DLGAP2: variants seen among roughly 807,000 people sequenced by gnomAD.
The protein encoded by DLGAP2 is DLG associated protein 2, also known as disks large-associated protein 2.
Under a neutral mutation model 100.3 loss-of-function variants are expected in DLGAP2, and 26 were observed. The ratio of observed to expected loss-of-function variants is 0.26; its 90% CI spans 0.19 to 0.36. The LOEUF is 0.36. Among genes scored for constraint, DLGAP2 ranks in the 10% least tolerant of loss-of-function variants. The pLI is 1.00. For synonymous variants in DLGAP2, 886 were observed against 630.1 expected (o/e 1.41, Z -6.08); for missense variants, 1,858 against 1,453.2 (o/e 1.28, Z -4.53).
In DLGAP2 at chr8:1,549,604, G is replaced by T. The variant is rs370050230; in HGVS notation, c.1151G>T (p.Arg384Leu). The T allele has an allele frequency of 5.0e-6, 8 of 1,597,308 alleles. No homozygotes were observed. The highest frequency in any genetic ancestry group is 2.2e-5 in the South Asian group (2 of 89,514). ...GTCAGCCAGGCCAAGGAGGCCTACCGCAAGAGCTCGCTGAACCTGGACAAG... is the reference window on the plus strand; with the variant it reads ...GTCAGCCAGGCCAAGGAGGCCTACCTCAAGAGCTCGCTGAACCTGGACAAG... ...LTVSQAKEAY[R>L]KSSLNLDKPL... Residue 384 changes from arginine (R) to leucine (L), a missense_variant, in exon 5 of 15, where the codon CGC becomes CTC. Arg to Leu is a moderately radical substitution (Grantham distance 102). Transcript: ENST00000637795.
rs184256893 is a variant in DLGAP2 at position 901,411 on chromosome 8, A to G, written c.19-6501A>G. ...AGTTAACAGGTGAATCTCTTTATTGATAAAAAGTAAAGTGTTTATCTGCTA... is the reference window on the plus strand; with the variant it reads ...AGTTAACAGGTGAATCTCTTTATTGGTAAAAAGTAAAGTGTTTATCTGCTA... On this transcript the variant is annotated intron_variant, in intron 1 of 14. Transcript: ENST00000637795. 8.5e-5 allele frequency among the ~76,000 whole-genome samples: 13 copies of G among 152,364 alleles called. No homozygotes were observed. The East Asian group carries it at 2.3e-3, about 27-fold the overall frequency.
chr8:1,168,510 T>A (rs766107154), intron 2 of DLGAP2, among the ~76,000 whole-genome samples: 1 of 147,662 alleles, frequency 6.8e-6, no homozygotes, highest in Non-Finnish European at 1.5e-5. Flanking sequence ...GTGTAAAAGT[T>A]TTCCTATTTC....
rs1254591074 is a variant in DLGAP2, at chr8:798,843, G to A, written c.18+61018G>A. Among the ~76,000 whole-genome samples, 9 of 150,390 alleles carry A rather than the reference G, an allele frequency of 6.0e-5. No individual in the cohort carries two copies. In the East Asian group the frequency reaches 1.4e-3, roughly 23 times the overall value. Reference sequence around the variant, plus strand: ...GCTTCCGTTGGCGCTGAAAGCAAACGCTTGTTGAGTCAGGACCTGCAGCCC... The same window carrying A: ...GCTTCCGTTGGCGCTGAAAGCAAACACTTGTTGAGTCAGGACCTGCAGCCC... On this transcript the variant is annotated intron_variant, in intron 1 of 14. Transcript: ENST00000637795.
chr8:1,317,916 C>G (rs1222769465), intron 3 of DLGAP2, among the ~76,000 whole-genome samples: 3 of 114,754 alleles, frequency 2.6e-5, no homozygotes, highest in East Asian at 2.4e-4. Context: ...GGTCTACACT[C>G]GAGACACTCG....
At chr8:1,640,963 C>T (rs1027481601) in intron 8 of DLGAP2, among the ~76,000 whole-genome samples, 1 of 152,138 alleles carries the variant, frequency 6.6e-6, no homozygotes, top group African/African-American at 2.4e-5. Context: ...GCCCTGGGGA[C>T]CGGTAGGGAG....
chr8:1,409,855 T>G (rs1796680153), intron 3 of DLGAP2, among the ~76,000 whole-genome samples: 2 of 152,138 alleles, frequency 1.3e-5, no homozygotes, highest in South Asian at 4.1e-4. Flanking sequence ...CAGCAGCCCC[T>G]CAGTGCCGGG....
intron 2 of DLGAP2, among the ~76,000 whole-genome samples, chr8:1,146,825 A>G (rs1399522432): frequency 5.3e-5 from 8 of 152,220 alleles, no homozygotes; most frequent in Non-Finnish European, 1.0e-4. Flanking sequence ...ACACAAGGGT[A>G]GGCCTGTTTC....
At chr8:1,630,356 C>T (rs1797610971) in intron 7 of DLGAP2, among the ~76,000 whole-genome samples, 1 of 152,078 alleles carries the variant, frequency 6.6e-6, no homozygotes, top group African/African-American at 2.4e-5. Context: ...GAATTACTAA[C>T]ACTTAGGGGC....
At chr8:1,421,472 A>G (rs1240019141) in intron 3 of DLGAP2, among the ~76,000 whole-genome samples, 1 of 152,226 alleles carries the variant, frequency 6.6e-6, no homozygotes, top group South Asian at 2.1e-4. Flanking sequence ...CTGAAAATGC[A>G]TAGAATCACT....
intron 2 of DLGAP2, among the ~76,000 whole-genome samples, chr8:1,013,639 C>G (rs1412550559): frequency 7.4e-6 from 1 of 136,036 alleles, no homozygotes; most frequent in Non-Finnish European, 1.5e-5. Context: ...GGTGCCTCCA[C>G]TGTGTGTGTG....
At chr8:1,489,494 C>T (rs1458170394) in intron 3 of DLGAP2, among the ~76,000 whole-genome samples, 2 of 152,202 alleles carry the variant, frequency 1.3e-5, no homozygotes, top group Admixed American at 1.3e-4. Context: ...CCACCCTTTT[C>T]ATTCCAGGCC....
chr8:1,223,272 A>G (rs1049190277), intron 2 of DLGAP2, among the ~76,000 whole-genome samples: 1 of 152,068 alleles, frequency 6.6e-6, no homozygotes, highest in Non-Finnish European at 1.5e-5. Flanking sequence ...GTCCACTTTG[A>G]AAGCCTTTTT....
chr8:1,409,838 C>G (rs1304958440), intron 3 of DLGAP2, among the ~76,000 whole-genome samples: 1 of 152,226 alleles, frequency 6.6e-6, no homozygotes, highest in Non-Finnish European at 1.5e-5. Context: ...GGCTCTGAGG[C>G]TTTCACCAGC....
rs13260276 is a variant in DLGAP2 at position 766,127 on chromosome 8, A to G, written c.18+28302A>G. On this transcript the variant is annotated intron_variant, in intron 1 of 14. Coordinates refer to ENST00000637795, the MANE Select transcript of DLGAP2 (RefSeq NM_001346810.2). ...GGTTGTAGTGAGTCGAGATTGTGCC[A>G]TTACACTCCAGCCTGAGTGACAGAG... 7.5e-3 allele frequency among the ~76,000 whole-genome samples: 1,144 copies of G among 152,334 alleles called. 3 individuals carry two copies. The highest frequency in any genetic ancestry group is 0.016 in the South Asian group (79 of 4,828).
chr8:1,421,945 G>A (rs966263747), intron 3 of DLGAP2, among the ~76,000 whole-genome samples: 1 of 152,014 alleles, frequency 6.6e-6, no homozygotes, highest in Non-Finnish European at 1.5e-5. Context: ...TAGCCTGGGC[G>A]ACAAAGTGAG....
chr8:916,342 C>A (rs1310594065), intron 2 of DLGAP2, among the ~76,000 whole-genome samples: 1 of 152,180 alleles, frequency 6.6e-6, no homozygotes, highest in Non-Finnish European at 1.5e-5. Context: ...GAATACTATG[C>A]AGCCATAAAA....
intron 3 of DLGAP2, among the ~76,000 whole-genome samples, chr8:1,412,050 C>G (rs1021118821): frequency 8.5e-5 from 13 of 152,202 alleles, no homozygotes; most frequent in Non-Finnish European, 1.3e-4. Context: ...TGCCATGGAC[C>G]CTCACCTCCC....
intron 12 of DLGAP2, among the ~76,000 whole-genome samples, chr8:1,688,967 C>T (rs1311552249): frequency 1.3e-5 from 2 of 152,128 alleles, no homozygotes; most frequent in Non-Finnish European, 2.9e-5. Flanking sequence ...GGTTCTTTTT[C>T]CCGAAAGTCG....
Position 1,382,761 on chromosome 8 carries a change from G to A in DLGAP2, c.107-118605G>A, listed in dbSNP as rs114970006. ...TGTCTCAAAGGGGAAAAAAACAAAAGAAATGTGTATAGTTTACATTGATTA... is the reference window on the plus strand; with the variant it reads ...TGTCTCAAAGGGGAAAAAAACAAAAAAAATGTGTATAGTTTACATTGATTA... On this transcript the variant is annotated intron_variant, in intron 3 of 14. Coordinates refer to ENST00000637795, the MANE Select transcript of DLGAP2 (RefSeq NM_001346810.2). Among the ~76,000 whole-genome samples, 1,050 of 152,260 alleles carry A rather than the reference G, an allele frequency of 6.9e-3. 10 individuals carry two copies. The highest frequency in any genetic ancestry group is 0.024 in the African/African-American group (991 of 41,538).
Sources: allele counts gnomAD v4.1 joint callset (sites outside exome capture counted in the v4.1 genomes callset), GRCh38; gene constraint gnomAD v4.1.1; transcripts MANE v1.5; gene names NCBI Gene and HGNC (gene_info 2026-07-23, HGNC 2026-07-21).